YJU2B: variants seen among roughly 807,000 people sequenced by gnomAD.
The protein encoded by YJU2B is probable splicing factor YJU2B.
A neutral mutation model predicts 38.0 loss-of-function variants in YJU2B; 18 were observed. The ratio of observed to expected loss-of-function variants is 0.47; its 90% CI spans 0.33 to 0.70. YJU2B has a LOEUF of 0.70. YJU2B is among the 30% of genes least tolerant of loss of function. The probability of loss-of-function intolerance (pLI) is 0.02; values close to 1 mark genes in which losing one functional copy is unlikely to be tolerated. For synonymous variants in YJU2B, 246 were observed against 225.4 expected (o/e 1.09, Z -0.82); for missense variants, 538 against 556.3 (o/e 0.97, Z 0.33).
chr19:13,736,254 C>CTTTTT (rs60385996), intron 2 of YJU2B, among the ~76,000 whole-genome samples: 100 of 104,206 alleles, frequency 9.6e-4, no homozygotes, highest in Middle Eastern at 7.4e-3. Context: ...TTCTTTCTTT[C>CTTTTT]TTTTTTTTTT....
rs1324070010 is a variant in YJU2B at position 13,757,857 on chromosome 19, C to T, written c.257+11C>T. 1 of 1,612,832 alleles carries T rather than the reference C, an allele frequency of 6.2e-7. No homozygotes were observed. Among genetic ancestry groups the T allele is most frequent in the South Asian group, 1.1e-5 (1 of 90,994 alleles). On this transcript the variant is annotated intron_variant, in intron 6 of 9. Transcript: ENST00000221554. ...AACCCCGATCTACAGGTAAGGGCGG[C>T]TTGGTGGCATCTTGGGAACAGGTGG...
chr19:13,748,458 G>A (rs957916177), intron 1 of YJU2B, among the ~76,000 whole-genome samples: 1 of 152,070 alleles, frequency 6.6e-6, no homozygotes, highest in African/African-American at 2.4e-5. Context: ...CAAGCCGTAA[G>A]CCCAGGACAA....
chr19:13,762,539 T>G lies in YJU2B; in HGVS notation c.713-51T>G, dbSNP rs771120041. The G allele has an allele frequency of 1.2e-5, 18 of 1,542,358 alleles. No individual in the cohort carries two copies. The East Asian group carries it at 4.1e-4, about 35-fold the overall frequency. On this transcript the variant is annotated intron_variant, in intron 9 of 9. Coordinates refer to ENST00000221554, the MANE Select transcript of YJU2B (RefSeq NM_030818.4). Reference sequence around the variant, plus strand: ...TGGACTCTGGTCTACCAGAGGGCAGTTCTGGACCCCCTCCCCTGCCGCCCC... The same window carrying G: ...TGGACTCTGGTCTACCAGAGGGCAGGTCTGGACCCCCTCCCCTGCCGCCCC...
chr19:13,737,438 A>C (rs572005321), intron 2 of YJU2B, among the ~76,000 whole-genome samples: 1 of 151,674 alleles, frequency 6.6e-6, no homozygotes, highest in South Asian at 2.1e-4. Flanking sequence ...CTTCCTGGGT[A>C]GTTCATAGAA....
chr19:13,758,892 T>G lies in YJU2B; in HGVS notation c.282T>G (p.Cys94Trp), dbSNP rs145202653. ...IYRFRMKCHL[C>W]VNYIEMQTDP... ...GGTTCCGGATGAAATGCCACCTCTG[T>G]GTCAACTACATCGAGATGCAGACGG... The change falls in exon 7 of 10, where the codon TGT becomes TGG. Residue 94 changes from cysteine (C) to tryptophan (W), a missense_variant. Physicochemically the swap from Cys to Trp is radical, Grantham distance 215 (BLOSUM62 -2). Transcript: ENST00000221554. The G allele has an allele frequency of 1.2e-6, 2 of 1,613,758 alleles. No homozygotes were observed. Among genetic ancestry groups the G allele is most frequent in the Admixed American group, 3.3e-5 (2 of 59,930 alleles).
intron 3 of YJU2B, among the ~76,000 whole-genome samples, chr19:13,754,593 C>T (rs893701809): frequency 1.3e-5 from 2 of 152,086 alleles, no homozygotes; most frequent in Admixed American, 6.6e-5. Flanking sequence ...TAAGGCAGAG[C>T]GCACAGATGA....
Position 13,763,143 on chromosome 19 carries a change from C to G in YJU2B, c.*75C>G. On this transcript the variant is annotated 3_prime_UTR_variant, in exon 10 of 10. Coordinates refer to ENST00000221554, the MANE Select transcript of YJU2B (RefSeq NM_030818.4). Reference sequence around the variant, plus strand: ...CAGGAGGCCCCTCACAGACTGCAGACCCCCGGCTCGCCCACCAGCCCTGGG... The same window carrying G: ...CAGGAGGCCCCTCACAGACTGCAGAGCCCCGGCTCGCCCACCAGCCCTGGG... 3.1e-6 allele frequency: 4 copies of G among 1,293,068 alleles called. No homozygotes were observed. In the South Asian group the frequency reaches 5.9e-5, roughly 19 times the overall value. The allele number at this position is 1,293,068 out of a possible 1,614,324, so 80.1% of individuals were successfully genotyped here. A position where few individuals can be genotyped will look rare whatever the true frequency, so the allele number is the denominator to read the frequency against.
At position 13,737,933 on chromosome 19, in the gene YJU2B, G is replaced by A. The variant is rs181705899; in HGVS notation, c.-202+5648G>A. ...TAAGCTTCAGGAATGCCAACAAAGT[G>A]CTGCTAGCTCTTTGTATGGATGAAT... is the stretch of plus-strand genomic sequence containing the variant. On this transcript the variant is annotated intron_variant, in intron 2 of 10. Coordinates refer to the YJU2B transcript ENST00000586600. 1.1e-3 allele frequency among the ~76,000 whole-genome samples: 174 copies of A among 152,224 alleles called. 1 individual carries two copies. The highest frequency in any genetic ancestry group is 3.8e-3 in the African/African-American group (159 of 41,558).
Position 13,757,795 on chromosome 19 carries a change from A to C in YJU2B, c.206A>C (p.Tyr69Ser). The C allele has an allele frequency of 6.2e-7, 1 of 1,613,974 alleles. No homozygotes were observed. The highest frequency in any genetic ancestry group is 1.3e-5 in the African/African-American group (1 of 74,996). The change falls in exon 6 of 10, where the codon TAC becomes TCC. Residue 69 changes from tyrosine to serine, a missense_variant. This residue lies in a region of YJU2B where 488 missense variants were observed against 469.5 expected (regional missense o/e 1.04). Transcript: ENST00000221554. ...CCTGACCCCCTTCCAGGTGTTCGTT[A>C]CAATGCAGAAAAGAAGAAGGTGGGC... ...CKNHIGMGVR[Y>S]NAEKKKVGNY...
chr19:13,755,693 C>T (rs868270972), intron 3 of YJU2B, among the ~76,000 whole-genome samples: 19 of 152,060 alleles, frequency 1.2e-4, no homozygotes, highest in African/African-American at 4.6e-4. Context: ...CAGTAGCTCA[C>T]ACCCGGAATC....
In YJU2B at chr19:13,756,424, G is replaced by A. The variant is rs1973671042; in HGVS notation, c.140+145G>A. ...CACCGTATCAGTCAGTTATTGCCGT[G>A]TGACAAAACAATAAGCATTTATTAT... On this transcript the variant is annotated intron_variant, in intron 4 of 9. Transcript: ENST00000221554. 9.0e-6 allele frequency: 6 copies of A among 668,582 alleles called. No homozygotes were observed. The South Asian group carries it at 9.8e-5, about 11-fold the overall frequency. 41.4% of individuals were successfully genotyped at this position (668,582 alleles called of 1,614,324 possible).
At chr19:13,752,281 T>C (rs757439731) in intron 2 of YJU2B, among the ~76,000 whole-genome samples, 20 of 151,986 alleles carry the variant, frequency 1.3e-4, no homozygotes, top group Non-Finnish European at 2.8e-4. Context: ...TTTCATTTTT[T>C]TTTAACAAGG....
intron 8 of YJU2B, among the ~76,000 whole-genome samples, chr19:13,760,350 CAT>C (rs1196651113): frequency 6.6e-5 from 10 of 152,344 alleles, no homozygotes; most frequent in Admixed American, 4.6e-4. Context: ...GCTGTGTCCT[CAT>C]GTGGCAGAAG....
In YJU2B at chr19:13,758,992, G is replaced by A; in HGVS notation, c.382G>A (p.Glu128Lys). 6.2e-7 allele frequency: 1 copy of A among 1,613,724 alleles called. No homozygotes were observed. The highest frequency in any genetic ancestry group is 1.1e-5 in the South Asian group (1 of 91,060). ...KEERWDMADNEQVLTTEHEKK... is the reference protein window; with the variant it reads ...KEERWDMADNKQVLTTEHEKK... ...GGAGCGCTGGGACATGGCGGACAATGAGCAGGTGCTGACCACAGGTGAGCG... is the reference window on the plus strand; with the variant it reads ...GGAGCGCTGGGACATGGCGGACAATAAGCAGGTGCTGACCACAGGTGAGCG... The change falls in exon 7 of 10, where the codon GAG becomes AAG. Residue 128 changes from glutamate to lysine, a missense_variant. By Grantham distance (56) the Glu-to-Lys change is moderately conservative. Around this residue, in one of 2 missense-constraint regions of YJU2B, gnomAD observed 488 missense variants for 469.5 expected, o/e 1.04. Coordinates refer to ENST00000221554, the MANE Select transcript of YJU2B (RefSeq NM_030818.4).
chr19:13,738,763 G>A lies in YJU2B; in HGVS notation c.-202+6478G>A, dbSNP rs972477455. ...AAATTAGCCGGGCATGGTGGTGGGT[G>A]CCTATAGTCCCAGCTACTCGGGAGG... is the stretch of plus-strand genomic sequence containing the variant. On this transcript the variant is annotated intron_variant, in intron 2 of 10. Transcript: ENST00000586600. 6.6e-5 allele frequency among the ~76,000 whole-genome samples: 10 copies of A among 152,142 alleles called. No homozygotes were observed. The East Asian group carries it at 1.7e-3, about 26-fold the overall frequency.
rs1973708730 is a variant in YJU2B at position 13,757,445 on chromosome 19, C to T, written c.168C>T (p.Cys56=). The T allele has an allele frequency of 1.9e-6, 3 of 1,613,766 alleles. No homozygotes were observed. Among genetic ancestry groups the T allele is most frequent in the Non-Finnish European group, 2.5e-6 (3 of 1,179,894 alleles). Residue 56 remains cysteine, a synonymous_variant, in exon 5 of 10, where the codon TGC becomes TGT. Coordinates refer to ENST00000221554, the MANE Select transcript of YJU2B (RefSeq NM_030818.4). ...TCGAAATGCCATATAACATCTGGTG[C>T]GATGGCTGCAAGAACCACATCGGCA... ...IRFEMPYNIW[C]DGCKNHIGMG...
chr19:13,745,379 G>A (rs1171937161), upstream of YJU2B, among the ~76,000 whole-genome samples: 1 of 151,766 alleles, frequency 6.6e-6, no homozygotes, highest in Non-Finnish European at 1.5e-5. Context: ...AAAGCATGGG[G>A]AGGCCGGGCG....
intron 1 of YJU2B, among the ~76,000 whole-genome samples, chr19:13,750,351 C>T (rs1973409852): frequency 6.6e-6 from 1 of 152,106 alleles, no homozygotes; most frequent in South Asian, 2.1e-4. Context: ...CTCAGTTTCC[C>T]GAGTAGCTGG....
intron 2 of YJU2B, among the ~76,000 whole-genome samples, chr19:13,741,900 A>G (rs1263811412): frequency 2.0e-5 from 3 of 152,196 alleles, no homozygotes; most frequent in African/African-American, 7.2e-5. Flanking sequence ...TTCTTCCAAA[A>G]GAAATGCAGT....
Sources: gnomAD v4.1 joint callset for allele counts (sites outside exome capture counted in the v4.1 genomes callset) on GRCh38, gnomAD v4.1.1 for gene constraint, gnomAD v4.1.1 regional missense constraint, MANE v1.5 for transcripts, NCBI Gene and HGNC (gene_info 2026-07-23, HGNC 2026-07-21) for gene names.